Variants in CNTNAP5 observed in about 807,000 individuals in gnomAD.
CNTNAP5 encodes the protein contactin associated protein family member 5.
A neutral mutation model predicts 150.2 loss-of-function variants in CNTNAP5; 72 were observed. The ratio of observed to expected loss-of-function variants is 0.48; its 90% CI spans 0.40 to 0.58. The LOEUF is 0.58. CNTNAP5 is among the 20% of genes least tolerant of loss of function. CNTNAP5 has a pLI of 0.00. For synonymous variants in CNTNAP5, 672 were observed against 619.8 expected (o/e 1.08, Z -1.25); for missense variants, 1,636 against 1,626.2 (o/e 1.01, Z -0.10).
intron 13 of CNTNAP5, among the ~76,000 whole-genome samples, chr2:124,725,224 T>G: frequency 6.6e-6 from 1 of 152,280 alleles, no homozygotes; most frequent in East Asian, 1.9e-4. Context: ...ATTTCCATAA[T>G]TTTATTTTTT....
intron 1 of CNTNAP5, among the ~76,000 whole-genome samples, chr2:124,051,482 AG>A (rs1470707166): frequency 3.9e-5 from 6 of 152,242 alleles, no homozygotes; most frequent in Non-Finnish European, 8.8e-5. Context: ...GTGCTGTGCT[AG>A]GAATTATAGA....
chr2:124,804,631 T>A (rs574149029), intron 19 of CNTNAP5, among the ~76,000 whole-genome samples: 1 of 152,098 alleles, frequency 6.6e-6, no homozygotes, highest in African/African-American at 2.4e-5. Context: ...TTGAATGCCA[T>A]GTGAGGACAC....
At chr2:124,690,189 G>T (rs1006619473) in intron 13 of CNTNAP5, among the ~76,000 whole-genome samples, 15 of 151,970 alleles carry the variant, frequency 9.9e-5, no homozygotes, top group Non-Finnish European at 4.4e-5. Context: ...TCAGCACAAG[G>T]TCTATTATAG....
chr2:124,475,343 T>G (rs752593087), intron 7 of CNTNAP5, among the ~76,000 whole-genome samples: 2 of 152,106 alleles, frequency 1.3e-5, no homozygotes, highest in Admixed American at 6.6e-5. Flanking sequence ...TTTATCATAT[T>G]GACAAATTAA....
intron 13 of CNTNAP5, among the ~76,000 whole-genome samples, chr2:124,690,826 T>C (rs186882015): frequency 4.6e-5 from 7 of 152,238 alleles, no homozygotes; most frequent in African/African-American, 1.7e-4. Context: ...CCTGAATATA[T>C]TCCCATGGCT....
intron 3 of CNTNAP5, among the ~76,000 whole-genome samples, chr2:124,350,464 T>C (rs1689849699): frequency 6.6e-6 from 1 of 151,740 alleles, no homozygotes; most frequent in African/African-American, 2.4e-5. Flanking sequence ...TTTTTTTTTT[T>C]TAATCCTTCA....
chr2:124,588,281 C>T (rs1445879339), intron 11 of CNTNAP5, among the ~76,000 whole-genome samples: 11 of 148,442 alleles, frequency 7.4e-5, no homozygotes, highest in Non-Finnish European at 1.6e-4. Context: ...TTCTACAATG[C>T]TTCTGAAATT....
rs1681694039 is a variant in CNTNAP5, at chr2:124,790,145, C to T, written c.2992+4C>T. On this transcript the variant is annotated splice_donor_region_variant and intron_variant, in intron 18 of 23. Coordinates refer to ENST00000682447, the MANE Select transcript of CNTNAP5 (RefSeq NM_001367498.1). ...GAAGGGCCCTTTTGCAAAAAAGGTA[C>T]CTTAGGCGCTCCTGTTTCTCCTGAG... 1 of 1,608,298 alleles carries T rather than the reference C, an allele frequency of 6.2e-7. No individual in the cohort carries two copies.
intron 6 of CNTNAP5, among the ~76,000 whole-genome samples, chr2:124,465,115 T>C (rs1356129007): frequency 6.6e-6 from 1 of 151,570 alleles, no homozygotes; most frequent in African/African-American, 2.4e-5. Flanking sequence ...ACATCAAAGA[T>C]TGAAAAAGAG....
chr2:124,587,548 T>A (rs978569551), intron 11 of CNTNAP5, among the ~76,000 whole-genome samples: 4 of 152,316 alleles, frequency 2.6e-5, no homozygotes, highest in South Asian at 2.1e-4. Context: ...GTCTCTTTTT[T>A]AAAAGATCTC....
intron 1 of CNTNAP5, among the ~76,000 whole-genome samples, chr2:124,211,670 C>A (rs1686016820): frequency 6.6e-6 from 1 of 152,148 alleles, no homozygotes; most frequent in African/African-American, 2.4e-5. Flanking sequence ...TTAACCCATC[C>A]ACTTCTAAAT....
intron 11 of CNTNAP5, among the ~76,000 whole-genome samples, chr2:124,600,762 AGAGAGAAAG>A (rs1448733709): frequency 8.8e-6 from 1 of 113,814 alleles, no homozygotes; most frequent in Non-Finnish European, 2.0e-5. Context: ...AGAGAGAGAG[AGAGAGAAAG>A]AGAGAGAAAG....
chr2:124,566,509 G>A (rs949885346), intron 11 of CNTNAP5, among the ~76,000 whole-genome samples: 5 of 152,174 alleles, frequency 3.3e-5, no homozygotes, highest in Non-Finnish European at 5.9e-5. Flanking sequence ...ATGAGCAGGA[G>A]ACTCAACACA....
chr2:124,451,298 C>T (rs956982348), intron 6 of CNTNAP5, among the ~76,000 whole-genome samples: 1 of 151,304 alleles, frequency 6.6e-6, no homozygotes, highest in Admixed American at 6.6e-5. Context: ...GATGTTTAAT[C>T]TCTGAGAATA....
chr2:124,716,189 T>C (rs1229499595), intron 13 of CNTNAP5, among the ~76,000 whole-genome samples: 1 of 152,158 alleles, frequency 6.6e-6, no homozygotes, highest in East Asian at 1.9e-4. Context: ...GAAAAAATGA[T>C]TCGTGCAAAG....
At chr2:124,122,469 C>G (rs1286689432) in intron 1 of CNTNAP5, among the ~76,000 whole-genome samples, 1 of 152,148 alleles carries the variant, frequency 6.6e-6, no homozygotes, top group African/African-American at 2.4e-5. Context: ...AAGATAAATC[C>G]AGGCCCAAGA....
At chr2:124,125,572 A>T (rs1056888690) in intron 1 of CNTNAP5, among the ~76,000 whole-genome samples, 1 of 152,206 alleles carries the variant, frequency 6.6e-6, no homozygotes, top group Non-Finnish European at 1.5e-5. Context: ...CCTAATAGAC[A>T]TCTACAGAAC....
intron 1 of CNTNAP5, among the ~76,000 whole-genome samples, chr2:124,133,351 GCTT>G (rs374355229): frequency 1.3e-5 from 2 of 152,074 alleles, no homozygotes; most frequent in African/African-American, 4.8e-5. Context: ...CTTCTTCAAA[GCTT>G]CTTATATCAA....
intron 7 of CNTNAP5, among the ~76,000 whole-genome samples, chr2:124,478,659 C>G (rs1693697873): frequency 6.6e-6 from 1 of 152,098 alleles, no homozygotes; most frequent in African/African-American, 2.4e-5. Flanking sequence ...AAGTTTCCCC[C>G]AAAGACACCA....
Sources: gnomAD v4.1 joint callset for allele counts (sites outside exome capture counted in the v4.1 genomes callset) on GRCh38, gnomAD v4.1.1 for gene constraint, MANE v1.5 for transcripts, NCBI Gene and HGNC (gene_info 2026-07-23, HGNC 2026-07-21) for gene names.